Variants in RTN4 observed in about 807,000 individuals in gnomAD.
RTN4 encodes the protein reticulon-4.
In RTN4, 32 loss-of-function variants were observed where a neutral mutation model predicts 90.4. The observed-to-expected ratio is 0.35, with a 90% CI of 0.27 to 0.48. The LOEUF is 0.48. RTN4 is among the 20% of genes least tolerant of loss of function. The pLI, the probability that RTN4 is intolerant of heterozygous loss-of-function variation, is 0.99. For missense variants in RTN4, 1,706 were observed against 1,430.2 expected (o/e 1.19, Z -3.11); for synonymous variants, 629 against 552.5 (o/e 1.14, Z -1.94).
At chr2:55,097,175 T>C (rs1284063345) in intron 1 of RTN4, among the ~76,000 whole-genome samples, 1 of 151,554 alleles carries the variant, frequency 6.6e-6, no homozygotes. Flanking sequence ...TGGAAGTATT[T>C]GCAAAAGATG....
the RTN4 span, among the ~76,000 whole-genome samples, chr2:55,132,324 G>A: frequency 9.9e-5 from 15 of 151,252 alleles, no homozygotes; most frequent in South Asian, 2.1e-4. Context: ...CCAACAGGGC[G>A]AAACCCCGTC....
intron 1 of RTN4, among the ~76,000 whole-genome samples, chr2:55,033,503 T>C (rs993123186): frequency 1.3e-5 from 2 of 152,180 alleles, no homozygotes; most frequent in African/African-American, 4.8e-5. Flanking sequence ...CCAGCTGAGA[T>C]GGAACAAGGT....
chr2:54,993,074 G>T (rs529140307), intron 3 of RTN4, among the ~76,000 whole-genome samples: 1 of 79,002 alleles, frequency 1.3e-5, no homozygotes, highest in African/African-American at 4.0e-5. Flanking sequence ...ACTCCATCTC[G>T]GAAAAAAAAA....
At chr2:55,133,706 A>G in the RTN4 span, among the ~76,000 whole-genome samples, 1 of 152,092 alleles carries the variant, frequency 6.6e-6, no homozygotes, top group Non-Finnish European at 1.5e-5. Flanking sequence ...AATAGCTCTC[A>G]CCGTCCTTAA....
At chr2:55,135,174 T>G in the RTN4 span, among the ~76,000 whole-genome samples, 2 of 151,554 alleles carry the variant, frequency 1.3e-5, no homozygotes, top group East Asian at 3.9e-4. Context: ...ATCTCACTAG[T>G]AATTTTTATA....
chr2:55,010,096 T>G lies in RTN4; in HGVS notation c.3013+14990A>C, dbSNP rs199906812. Reference sequence around the variant, plus strand: ...TAAAAAGCAGATATACCCTTGTCCTTCCAATTTTTCTTCTGACCGTCCATC... The same window carrying G: ...TAAAAAGCAGATATACCCTTGTCCTGCCAATTTTTCTTCTGACCGTCCATC... On this transcript the variant is annotated intron_variant, in intron 3 of 8. Coordinates refer to ENST00000337526, the MANE Select transcript of RTN4 (RefSeq NM_020532.5). The G allele has an allele frequency of 6.2e-6, 10 of 1,613,644 alleles. No homozygotes were observed. The South Asian group carries it at 9.9e-5, about 16-fold the overall frequency.
chr2:55,084,805 G>A (rs939450833), intron 1 of RTN4, among the ~76,000 whole-genome samples: 1 of 152,128 alleles, frequency 6.6e-6, no homozygotes, highest in Non-Finnish European at 1.5e-5. Flanking sequence ...GCTGTTTTGA[G>A]ACAGGGTCTT....
chr2:55,064,432 C>A (rs1490942342), intron 2 of RTN4, among the ~76,000 whole-genome samples: 1 of 149,440 alleles, frequency 6.7e-6, no homozygotes, highest in Non-Finnish European at 1.5e-5. Context: ...CTCACTGCAA[C>A]CTCCGCCTCC....
chr2:54,988,381 AAATATATTCC>A (rs1678743054), intron 3 of RTN4, among the ~76,000 whole-genome samples: 1 of 152,224 alleles, frequency 6.6e-6, no homozygotes, highest in Admixed American at 6.5e-5. Context: ...ATAATTCAAT[AAATATATTCC>A]AATAACAGAA....
At chr2:55,054,597 G>A (rs1668895070), upstream of RTN4, among the ~76,000 whole-genome samples, 1 of 152,120 alleles carries the variant, frequency 6.6e-6, no homozygotes, top group Non-Finnish European at 1.5e-5. Flanking sequence ...GCGTAGGATG[G>A]GTATACTCTT....
At chr2:55,076,076 G>C (rs1436781032) in intron 2 of RTN4, among the ~76,000 whole-genome samples, 1 of 152,086 alleles carries the variant, frequency 6.6e-6, no homozygotes, top group East Asian at 1.9e-4. Flanking sequence ...AAGATAAATA[G>C]ATGGGACTTA....
chr2:55,002,971 T>A (rs989390653), intron 3 of RTN4, among the ~76,000 whole-genome samples: 5 of 152,222 alleles, frequency 3.3e-5, no homozygotes, highest in African/African-American at 9.6e-5. Context: ...TTTTCCTTCT[T>A]GTTGGCCCAT....
At chr2:55,018,644 TAAAAG>T (rs1681210957) in intron 3 of RTN4, among the ~76,000 whole-genome samples, 1 of 152,074 alleles carries the variant, frequency 6.6e-6, no homozygotes, top group Non-Finnish European at 1.5e-5. Flanking sequence ...GTTCTCACTA[TAAAAG>T]AAGAGACAAA....
intron 2 of RTN4, among the ~76,000 whole-genome samples, chr2:55,079,781 G>C (rs367556062): frequency 2.6e-5 from 4 of 152,154 alleles, no homozygotes; most frequent in African/African-American, 9.7e-5. Context: ...GAGACCAACA[G>C]CCCTGTCTGA....
At chr2:54,989,553 G>A (rs1558772080) in intron 3 of RTN4, among the ~76,000 whole-genome samples, 1 of 152,138 alleles carries the variant, frequency 6.6e-6, no homozygotes, top group African/African-American at 2.4e-5. Context: ...AACGCTAATA[G>A]GTTTCTGGCA....
Position 55,050,342 on chromosome 2 carries a change from G to T in RTN4, c.-42C>A. ...TGATGCTGCAGCTGCTGCCGCCGCC[G>T]CCGGGGCCGCGTCTCAGAGCCGCGG... On this transcript the variant is annotated 5_prime_UTR_variant, in exon 1 of 9. Transcript: ENST00000337526. The surrounding 1 kb of genome is among the most constrained non-coding windows in gnomAD (Gnocchi z 4.6). The T allele has an allele frequency of 1.5e-6, 2 of 1,298,652 alleles. No homozygotes were observed. The highest frequency in any genetic ancestry group is 1.0e-6 in the Non-Finnish European group (1 of 1,000,276). 80.4% of individuals were successfully genotyped at this position (1,298,652 alleles called of 1,614,324 possible). A position where few individuals can be genotyped will look rare whatever the true frequency, so the allele number is the denominator to read the frequency against.
intron 1 of RTN4, among the ~76,000 whole-genome samples, chr2:55,040,924 T>A (rs1683030952): frequency 6.6e-6 from 1 of 151,672 alleles, no homozygotes; most frequent in Non-Finnish European, 1.5e-5. Context: ...AACAATTCCA[T>A]CAATGAGAAA....
At chr2:55,071,932 G>A (rs1332852557) in intron 2 of RTN4, among the ~76,000 whole-genome samples, 2 of 152,178 alleles carry the variant, frequency 1.3e-5, no homozygotes, top group African/African-American at 4.8e-5. Context: ...AGAGAGAGAA[G>A]AGGAGAAAGT....
chr2:54,977,408 T>TG (rs1347750123), intron 5 of RTN4, among the ~76,000 whole-genome samples: 5 of 149,990 alleles, frequency 3.3e-5, no homozygotes, highest in African/African-American at 9.8e-5. Context: ...CTCAGGCCGT[T>TG]TTTTTTTTTT....
Sources: gnomAD v4.1 joint callset for allele counts (sites outside exome capture counted in the v4.1 genomes callset) on GRCh38, gnomAD v4.1.1 for gene constraint, Gnocchi (gnomAD v3.1) non-coding constraint, MANE v1.5 for transcripts, NCBI Gene and HGNC (gene_info 2026-07-23, HGNC 2026-07-21) for gene names.